Variants in EVI2A observed in about 807,000 individuals in gnomAD.
EVI2A encodes the protein ecotropic viral integration site 2A, also known as protein EVI2A.
EVI2A carries 11 observed loss-of-function variants against 13.0 expected under a neutral mutation model. That is an observed-to-expected ratio of 0.85 (90% CI 0.53 to 1.40). EVI2A has a LOEUF of 1.40. Ranked by LOEUF, EVI2A falls within the 40% of genes most tolerant of loss-of-function variation. The probability of loss-of-function intolerance (pLI) is 0.00; values close to 1 mark genes in which losing one functional copy is unlikely to be tolerated. For missense variants in EVI2A, 267 were observed against 279.5 expected, an observed-to-expected ratio of 0.96 and a Z score of 0.32; for synonymous variants, 89 against 98.0, an observed-to-expected ratio of 0.91 and a Z score of 0.54.
intron 1 of EVI2A, among the ~76,000 whole-genome samples, chr17:31,321,280 G>A (rs773629018): frequency 1.3e-5 from 2 of 151,806 alleles, no homozygotes; most frequent in South Asian, 2.1e-4. Flanking sequence ...TAGATCCTTC[G>A]TAATCCTAAT....
At chr17:31,320,345 A>C in intron 1 of EVI2A, 1 of 998,970 alleles carries the variant, frequency 1.0e-6, no homozygotes, top group Admixed American at 3.6e-5. Context: ...CTTTTATTTA[A>C]AAAAAAAAAA....
chr17:31,319,201 GA>G (rs1374660803), intron 1 of EVI2A, among the ~76,000 whole-genome samples, 178 bp from the exon 2 acceptor site: 1 of 152,124 alleles, frequency 6.6e-6, no homozygotes, highest in East Asian at 1.9e-4. Context: ...TATGTATGAA[GA>G]AGCATTTTAA....
chr17:31,318,874 A>G lies in EVI2A; in HGVS notation c.140T>C (p.Ile47Thr), dbSNP rs2069100752. 1.2e-6 allele frequency: 2 copies of G among 1,614,082 alleles called. No individual in the cohort carries two copies. The highest frequency in any genetic ancestry group is 1.7e-6 in the Non-Finnish European group (2 of 1,179,956). The change falls in exon 2 of 2, where the codon ATT (isoleucine) becomes ACT (threonine). Residue 47 changes from isoleucine to threonine, a missense_variant. Physicochemically the swap from Ile to Thr is moderately conservative, Grantham distance 89. Coordinates refer to ENST00000462804, the MANE Select transcript of EVI2A (RefSeq NM_014210.4). ...ANSTSSWDSV[I>T]QNKTGRNQNE... ...TTGGTTTCTGCCTGTCTTGTTTTGA[A>G]TAACTGAATCCCAGGAAGAAGTACT...
At chr17:31,320,513 A>C (rs1015139738) in intron 1 of EVI2A, 1 of 1,239,136 alleles carries the variant, frequency 8.1e-7, no homozygotes, top group Non-Finnish European at 1.2e-6. Flanking sequence ...ACATTTGTAT[A>C]CTATTAAAAT....
chr17:31,319,122 A>G, intron 1 of EVI2A, 99 bp from the exon 2 acceptor site: 2 of 1,279,502 alleles, frequency 1.6e-6, no homozygotes, highest in Non-Finnish European at 2.1e-6. Context: ...GTTACAAGTA[A>G]ACTACAAGCT....
chr17:31,321,329 A>G (rs2069185143), intron 1 of EVI2A, among the ~76,000 whole-genome samples, 166 bp downstream of exon 1: 1 of 152,166 alleles, frequency 6.6e-6, no homozygotes, highest in East Asian at 1.9e-4. Context: ...TTCATTTCTA[A>G]CTTAAAATTT....
chr17:31,316,873 T>C lies in EVI2A; in HGVS notation c.*1430A>G, dbSNP rs1435043891. ...ATGATGCTTTATTTTTTTCCTCTCATTTTAATAATAGCTAGACGTTTGAAT... is the reference window on the plus strand; with the variant it reads ...ATGATGCTTTATTTTTTTCCTCTCACTTTAATAATAGCTAGACGTTTGAAT... On this transcript the variant is annotated 3_prime_UTR_variant, in exon 2 of 2. Coordinates refer to ENST00000462804, the MANE Select transcript of EVI2A (RefSeq NM_014210.4). Among the ~76,000 whole-genome samples the C allele has an allele frequency of 6.6e-6, 1 of 152,230 alleles. No homozygotes were observed. Among genetic ancestry groups the C allele is most frequent in the Middle Eastern group, 3.2e-3 (1 of 316 alleles).
chr17:31,320,370 T>A, intron 1 of EVI2A: 1 of 1,580,996 alleles, frequency 6.3e-7, no homozygotes, highest in Non-Finnish European at 8.6e-7. Flanking sequence ...GGCAGATTCT[T>A]ACCTAGCTAG....
chr17:31,318,338 C>T lies in EVI2A; in HGVS notation c.676G>A (p.Gly226Arg). Residue 226 changes from glycine to arginine, a missense_variant, in exon 2 of 2, where the codon GGA becomes AGA. By Grantham distance (125) the Gly-to-Arg change is moderately radical (BLOSUM62 -2). Coordinates refer to ENST00000462804, the MANE Select transcript of EVI2A (RefSeq NM_014210.4). ...TGTTTGTTAGTAAGTTTTTCAGTTCCTTCTTCATCTTTTCTTTCCCTTGTA... is the reference window on the plus strand; with the variant it reads ...TGTTTGTTAGTAAGTTTTTCAGTTCTTTCTTCATCTTTTCTTTCCCTTGTA... ...TATRERKDEE[G>R]TEKLTNKQIG 1 of 1,609,656 alleles carries T rather than the reference C, an allele frequency of 6.2e-7. No homozygotes were observed. Among genetic ancestry groups the T allele is most frequent in the Non-Finnish European group, 8.5e-7 (1 of 1,178,816 alleles).
At chr17:31,319,869 T>A (rs761156607) in intron 1 of EVI2A, among the ~76,000 whole-genome samples, 1 of 151,918 alleles carries the variant, frequency 6.6e-6, no homozygotes, top group Non-Finnish European at 1.5e-5. Context: ...GATTTTGACA[T>A]AATTGTAAAA....
Position 31,318,998 on chromosome 17 carries a change from C to G in EVI2A, c.16G>C (p.Glu6Gln). The G allele has an allele frequency of 6.2e-7, 1 of 1,605,042 alleles. No individual in the cohort carries two copies. Among genetic ancestry groups the G allele is most frequent in the Non-Finnish European group, 8.5e-7 (1 of 1,177,216 alleles). The change falls in exon 2 of 2, where the codon GAA (glutamate) becomes CAA (glutamine). Residue 6 changes from glutamate to glutamine, a missense_variant. Transcript: ENST00000462804. MPTDM[E>Q]HTGHYLHLAF... ...AGATGTAGGTAATGTCCTGTGTGTT[C>G]CATGTCCGTGGGCATGCTTGGCAAT...
In EVI2A at chr17:31,316,815, T is replaced by C. The variant is rs1216089263; in HGVS notation, c.*1488A>G. ...TTTCTCGTTTAGAGAATAGATTTGTTTTTTACAAATTGCTAATAAATTGAT... is the reference window on the plus strand; with the variant it reads ...TTTCTCGTTTAGAGAATAGATTTGTCTTTTACAAATTGCTAATAAATTGAT... On this transcript the variant is annotated 3_prime_UTR_variant, in exon 2 of 2. Transcript: ENST00000462804. 6.6e-6 allele frequency among the ~76,000 whole-genome samples: 1 copy of C among 152,226 alleles called. No homozygotes were observed. Among genetic ancestry groups the C allele is most frequent in the Non-Finnish European group, 1.5e-5 (1 of 68,030 alleles).
rs1282441670 is a variant in EVI2A at position 31,317,400 on chromosome 17, CA to C, written c.*902del. Among the ~76,000 whole-genome samples the C allele has an allele frequency of 5.7e-3, 871 of 151,726 alleles. 6 individuals are homozygous for C. The highest frequency in any genetic ancestry group is 0.016 in the African/African-American group (641 of 41,330). ...ACACACACACACACACACACACACA[CA>C]CACCCCTAATAAATCATTAGGCTAC... is the stretch of plus-strand genomic sequence containing the variant. On this transcript the variant is annotated 3_prime_UTR_variant, in exon 2 of 2. Transcript: ENST00000462804.
Position 31,318,213 on chromosome 17 carries a change from G to A in EVI2A, c.*90C>T. The A allele has an allele frequency of 6.7e-7, 1 of 1,484,150 alleles. No homozygotes were observed. The highest frequency in any genetic ancestry group is 9.0e-7 in the Non-Finnish European group (1 of 1,111,986). 91.9% of individuals were successfully genotyped at this position (1,484,150 alleles called of 1,614,324 possible). On this transcript the variant is annotated 3_prime_UTR_variant, in exon 2 of 2. Coordinates refer to ENST00000462804, the MANE Select transcript of EVI2A (RefSeq NM_014210.4). ...GCAAGGTCTACCATGTCAAATTTTA[G>A]ATAATCAGAACAACACTTTGGGATT...
At chr17:31,319,875 TA>T (rs890962383) in intron 1 of EVI2A, among the ~76,000 whole-genome samples, 38 of 150,930 alleles carry the variant, frequency 2.5e-4, no homozygotes, top group Middle Eastern at 3.4e-3. Flanking sequence ...GACATAATTG[TA>T]AAAAAAAATG....
rs982594900 is a variant in EVI2A, at chr17:31,318,782, G to A, written c.232C>T (p.Pro78Ser). The change falls in exon 2 of 2, where the codon CCT becomes TCT. Residue 78 changes from proline to serine, a missense_variant. Physicochemically the swap from Pro to Ser is moderately conservative, Grantham distance 74. Transcript: ENST00000462804. ...VDYKGNSTNMPETSHIVALTS... is the reference protein window; with the variant it reads ...VDYKGNSTNMSETSHIVALTS... ...AAAGCTACGATGTGAGATGTTTCAG[G>A]CATGTTTGTAGAATTACCTTTATAA... The A allele has an allele frequency of 6.2e-7, 1 of 1,613,868 alleles. No individual in the cohort carries two copies. The highest frequency in any genetic ancestry group is 8.5e-7 in the Non-Finnish European group (1 of 1,179,864).
chr17:31,321,444 CAGACGTT>C (rs2069189829), intron 1 of EVI2A, 44 bp downstream of exon 1: 1 of 152,104 alleles, frequency 6.6e-6, no homozygotes, highest in South Asian at 2.1e-4. Flanking sequence ...ACTAATCTGT[CAGACGTT>C]AGAAGTGAAA....
In EVI2A at chr17:31,318,048, AT is replaced by A. The variant is rs763223416; in HGVS notation, c.*254del. On this transcript the variant is annotated 3_prime_UTR_variant, in exon 2 of 2. Coordinates refer to ENST00000462804, the MANE Select transcript of EVI2A (RefSeq NM_014210.4). ...CTATCTCTATTAATCAGTTTCCTCA[AT>A]TTATCCTTAAAATTTTCCTCAAATG... is the stretch of plus-strand genomic sequence containing the variant. 1.6e-5 allele frequency: 7 copies of A among 436,216 alleles called. No individual in the cohort carries two copies. Among genetic ancestry groups the A allele is most frequent in the East Asian group, 7.9e-5 (2 of 25,338 alleles). The allele number at this position is 436,216 out of a possible 1,614,324, so 27.0% of individuals were successfully genotyped here.
At chr17:31,320,525 C>A in intron 1 of EVI2A, 2 of 1,117,530 alleles carry the variant, frequency 1.8e-6, no homozygotes, top group South Asian at 1.4e-5. Flanking sequence ...TATTAAAATA[C>A]AGAAATTGAA....
Sources: gnomAD v4.1 joint callset for allele counts (sites outside exome capture counted in the v4.1 genomes callset) on GRCh38, gnomAD v4.1.1 for gene constraint, MANE v1.5 for transcripts, NCBI Gene and HGNC (gene_info 2026-07-23, HGNC 2026-07-21) for gene names.